CDH20: variants seen among roughly 807,000 people sequenced by gnomAD.
The protein encoded by CDH20 is cadherin-20.
A neutral mutation model predicts 74.2 loss-of-function variants in CDH20; 29 were observed. The ratio of observed to expected loss-of-function variants is 0.39; its 90% CI spans 0.29 to 0.53. The LOEUF is 0.53. Among genes scored for constraint, CDH20 ranks in the 20% least tolerant of loss-of-function variants. The probability of loss-of-function intolerance (pLI) is 0.69; values close to 1 mark genes in which losing one functional copy is unlikely to be tolerated. For missense variants in CDH20, 988 were observed against 1,048.3 expected (o/e 0.94, Z 0.79); for synonymous variants, 469 against 405.4 (o/e 1.16, Z -1.88).
At chr18:61,443,214 A>G (rs1205005179) in intron 1 of CDH20, among the ~76,000 whole-genome samples, 1 of 152,150 alleles carries the variant, frequency 6.6e-6, no homozygotes, top group Non-Finnish European at 1.5e-5. Flanking sequence ...TTGAAATCAA[A>G]TGCCTCTAAG....
chr18:61,535,100 G>A (rs1379167491), intron 7 of CDH20, among the ~76,000 whole-genome samples: 1 of 152,126 alleles, frequency 6.6e-6, no homozygotes, highest in Non-Finnish European at 1.5e-5. Context: ...TGGATCACTT[G>A]AGGTCAGGAG....
intron 1 of CDH20, among the ~76,000 whole-genome samples, chr18:61,375,718 T>A (rs1256755604): frequency 6.6e-6 from 1 of 152,234 alleles, no homozygotes; most frequent in Admixed American, 6.5e-5. Flanking sequence ...GTACTATTCA[T>A]TCATTTAATA....
intron 6 of CDH20, among the ~76,000 whole-genome samples, chr18:61,518,952 A>G (rs1912097707): frequency 6.6e-6 from 1 of 151,430 alleles, no homozygotes; most frequent in Non-Finnish European, 1.5e-5. Context: ...TGAAAAACAC[A>G]GCATGAGAAC....
intron 1 of CDH20, among the ~76,000 whole-genome samples, chr18:61,421,045 T>A (rs1426585710): frequency 1.3e-5 from 2 of 151,984 alleles, no homozygotes; most frequent in African/African-American, 4.8e-5. Flanking sequence ...AGCGATACTG[T>A]CTCCAAAAAA....
intron 1 of CDH20, among the ~76,000 whole-genome samples, chr18:61,374,319 C>A (rs1004876762): frequency 3.3e-5 from 5 of 152,176 alleles, no homozygotes; most frequent in Non-Finnish European, 7.4e-5. Context: ...TTTAAAGAAA[C>A]AATCTTCCCC....
chr18:61,489,023 T>C (rs1328469179), intron 1 of CDH20, among the ~76,000 whole-genome samples: 1 of 152,206 alleles, frequency 6.6e-6, no homozygotes, highest in Non-Finnish European at 1.5e-5. Context: ...CCTGGCTTGC[T>C]TTTTCTTAAC....
At chr18:61,464,745 T>C (rs1909907955) in intron 1 of CDH20, among the ~76,000 whole-genome samples, 1 of 152,180 alleles carries the variant, frequency 6.6e-6, no homozygotes, top group South Asian at 2.1e-4. Context: ...TTTATCAATA[T>C]CTAGGACTAG....
chr18:61,475,269 G>A (rs76960704), intron 1 of CDH20, among the ~76,000 whole-genome samples: 1,923 of 152,280 alleles, frequency 0.013, 44 homozygotes, highest in African/African-American at 0.044. Context: ...GGTCTAAGTA[G>A]CCAGATATAG....
At chr18:61,459,803 A>G (rs1909707210) in intron 1 of CDH20, among the ~76,000 whole-genome samples, 1 of 148,800 alleles carries the variant, frequency 6.7e-6, no homozygotes, top group African/African-American at 2.5e-5. Flanking sequence ...CCTCTGCCTA[A>G]CCTCAGGTTA....
chr18:61,493,375 T>A (rs927750905), intron 2 of CDH20, among the ~76,000 whole-genome samples: 2 of 152,126 alleles, frequency 1.3e-5, no homozygotes, highest in African/African-American at 4.8e-5. Context: ...CTCAGCGCAT[T>A]CCTCTCCCTG....
At chr18:61,364,633 T>C (rs1289069952) in intron 1 of CDH20, among the ~76,000 whole-genome samples, 1 of 145,234 alleles carries the variant, frequency 6.9e-6, no homozygotes, top group Non-Finnish European at 1.5e-5. Context: ...CTCTATTTCC[T>C]GAGAGAGGTG....
chr18:61,534,278 G>T (rs565001964), intron 7 of CDH20, among the ~76,000 whole-genome samples: 1 of 152,324 alleles, frequency 6.6e-6, no homozygotes, highest in South Asian at 2.1e-4. Context: ...CTTGCACACC[G>T]TTGATGAGAA....
intron 1 of CDH20, among the ~76,000 whole-genome samples, chr18:61,446,667 T>C (rs1254735612): frequency 6.6e-6 from 1 of 152,178 alleles, no homozygotes; most frequent in East Asian, 1.9e-4. Context: ...TACCTTCTAA[T>C]CCCCCTAATT....
intron 1 of CDH20, among the ~76,000 whole-genome samples, chr18:61,336,839 G>C (rs945783281): frequency 7.3e-5 from 11 of 151,224 alleles, no homozygotes; most frequent in Non-Finnish European, 1.6e-4. Flanking sequence ...ATGAGAATAG[G>C]TCTTTTCACC....
At chr18:61,457,243 G>A (rs1473675365) in intron 1 of CDH20, among the ~76,000 whole-genome samples, 1 of 151,988 alleles carries the variant, frequency 6.6e-6, no homozygotes, top group Non-Finnish European at 1.5e-5. Flanking sequence ...AATGAGCTCT[G>A]GGATGTGAAT....
At chr18:61,396,632 C>T (rs754607192) in intron 1 of CDH20, among the ~76,000 whole-genome samples, 22 of 152,208 alleles carry the variant, frequency 1.4e-4, no homozygotes, top group South Asian at 4.1e-4. Context: ...TGTGGATACA[C>T]GCTGCAGGTG....
At chr18:61,397,239 T>G (rs1912014216) in intron 1 of CDH20, among the ~76,000 whole-genome samples, 1 of 152,122 alleles carries the variant, frequency 6.6e-6, no homozygotes, top group Admixed American at 6.5e-5. Flanking sequence ...CCCTTCCATC[T>G]ATTTCCCATC....
chr18:61,391,345 G>A (rs1911772561), intron 1 of CDH20, among the ~76,000 whole-genome samples: 1 of 152,136 alleles, frequency 6.6e-6, no homozygotes, highest in Non-Finnish European at 1.5e-5. Context: ...GACAATGGAA[G>A]TCTTATGCAC....
rs1206228527 is a variant in CDH20 at position 61,507,378 on chromosome 18, T to G, written c.835T>G (p.Tyr279Asp). The G allele has an allele frequency of 1.2e-6, 2 of 1,613,160 alleles. No homozygotes were observed. Among genetic ancestry groups the G allele is most frequent in the Admixed American group, 3.3e-5 (2 of 59,788 alleles). Reference protein sequence around the residue: ...DNPPRFPQKHYQMSVLESAPI... With the variant: ...DNPPRFPQKHDQMSVLESAPI... ...GTCCTGGCTTTTCTTCGTAGAACAT[T>G]ACCAGATGAGTGTGTTGGAATCAGC... is the stretch of plus-strand genomic sequence containing the variant. The change falls in exon 6 of 12, where the codon TAC (tyrosine) becomes GAC (aspartate). Residue 279 changes from tyrosine to aspartate, a missense_variant. Tyr to Asp is a radical substitution (Grantham distance 160). Around this residue, in one of 2 missense-constraint regions of CDH20, gnomAD observed 613 missense variants for 755.2 expected, o/e 0.81. Transcript: ENST00000262717.
Sources: gnomAD v4.1 joint callset for allele counts (sites outside exome capture counted in the v4.1 genomes callset) on GRCh38, gnomAD v4.1.1 for gene constraint, gnomAD v4.1.1 regional missense constraint, MANE v1.5 for transcripts, NCBI Gene and HGNC (gene_info 2026-07-23, HGNC 2026-07-21) for gene names.